Variants in ARHGEF28 observed in about 807,000 individuals in gnomAD.
The protein encoded by ARHGEF28 is 190 kDa guanine nucleotide exchange factor.
In ARHGEF28, 152 loss-of-function variants were observed where a neutral mutation model predicts 206.6. The ratio of observed to expected loss-of-function variants is 0.74; its 90% CI spans 0.64 to 0.84. The LOEUF (loss-of-function observed/expected upper bound fraction) is 0.84, where lower values mean the gene tolerates loss of function less well. ARHGEF28 is among the 40% of genes least tolerant of loss of function. ARHGEF28 has a pLI of 0.00. For missense variants in ARHGEF28, 2,028 were observed against 2,073.2 expected (o/e 0.98, Z 0.42); for synonymous variants, 763 against 776.4 (o/e 0.98, Z 0.29).
rs575045737 is a variant in ARHGEF28 at position 73,941,902 on chromosome 5, G to A, written c.*889G>A. 4 of 152,228 alleles carry A rather than the reference G, an allele frequency of 2.6e-5. No homozygotes were observed. Among genetic ancestry groups the A allele is most frequent in the Non-Finnish European group, 4.4e-5 (3 of 68,008 alleles). 9.4% of individuals were successfully genotyped at this position (152,228 alleles called of 1,614,324 possible). ...GCATATCCTGCCTTCCGAGTAGTAT[G>A]GGTCTCTGTGTGAGAAACCAGGAGA... On this transcript the variant is annotated 3_prime_UTR_variant, in exon 36 of 36. Coordinates refer to ENST00000513042, the MANE Select transcript of ARHGEF28 (RefSeq NM_001177693.2).
intron 10 of ARHGEF28, among the ~76,000 whole-genome samples, chr5:73,833,709 TAATTGACTCAC>T (rs552759561): frequency 4.6e-5 from 7 of 152,160 alleles, no homozygotes; most frequent in Non-Finnish European, 8.8e-5. Flanking sequence ...AAAAGAGGTT[TAATTGACTCAC>T]ACTTCTGCAT....
intron 4 of ARHGEF28, among the ~76,000 whole-genome samples, chr5:73,769,418 T>C (rs1036460052): frequency 1.3e-5 from 2 of 152,348 alleles, no homozygotes; most frequent in African/African-American, 4.8e-5. Context: ...TAAGTAATAA[T>C]TTTAACTTTT....
chr5:73,820,214 A>T (rs1756484105), intron 9 of ARHGEF28, among the ~76,000 whole-genome samples: 1 of 152,200 alleles, frequency 6.6e-6, no homozygotes, highest in South Asian at 2.1e-4. Flanking sequence ...GAAAGGATAT[A>T]TTTTAGCCTA....
chr5:73,940,410 A>G (rs282413), intron 35 of ARHGEF28, among the ~76,000 whole-genome samples: 62,547 of 152,004 alleles, frequency 0.41, 13,142 homozygotes, highest in East Asian at 0.59. Flanking sequence ...TGACCACATC[A>G]GTAAAGTGCC....
intron 22 of ARHGEF28, among the ~76,000 whole-genome samples, chr5:73,880,787 G>A (rs1270074741): frequency 1.1e-4 from 17 of 152,104 alleles, no homozygotes; most frequent in Non-Finnish European, 2.5e-4. Context: ...ACAAAAATTA[G>A]CTTGGCGTGG....
At chr5:73,740,059 C>T (rs914472702) in intron 2 of ARHGEF28, among the ~76,000 whole-genome samples, 1 of 147,986 alleles carries the variant, frequency 6.8e-6, no homozygotes, top group African/African-American at 2.5e-5. Context: ...TGCCTGCAGT[C>T]CTAGCTACTT....
chr5:73,911,505 G>A lies in ARHGEF28; in HGVS notation c.4878G>A (p.Leu1626=), dbSNP rs761167103. The part of the protein sequence containing the change: ...PSQPSNVSHK[L]WTAAGSGHQI... ...AGCCTTCGAATGTCAGTCACAAACT[G>A]TGGACAGCCGCTGGTTCCGGCCATC... is the stretch of plus-strand genomic sequence containing the variant. The change falls in exon 35 of 36, where the codon CTG becomes CTA. Residue 1626 remains leucine (L), a synonymous_variant. Coordinates refer to ENST00000513042, the MANE Select transcript of ARHGEF28 (RefSeq NM_001177693.2). The A allele has an allele frequency of 6.2e-7, 1 of 1,613,744 alleles. No homozygotes were observed. Among genetic ancestry groups the A allele is most frequent in the South Asian group, 1.1e-5 (1 of 90,952 alleles).
intron 2 of ARHGEF28, among the ~76,000 whole-genome samples, chr5:73,749,534 A>T (rs180871824): frequency 1.3e-5 from 2 of 152,368 alleles, no homozygotes; most frequent in East Asian, 3.9e-4. Flanking sequence ...ACGGCAACGA[A>T]GTACCACACT....
In ARHGEF28 at chr5:73,783,374, GTGTGTGTGTGTA is replaced by G. The variant is rs1554063118; in HGVS notation, c.910+2641_910+2652del. On this transcript the variant is annotated intron_variant, in intron 7 of 35. Transcript: ENST00000513042. ...TGTGTGTGTGTGTGTGTGTGTGTGT[GTGTGTGTGTGTA>G]TGTGTGTGTGTGCGCGCTTCTGTAT... is the stretch of plus-strand genomic sequence containing the variant. 9.2e-5 allele frequency among the ~76,000 whole-genome samples: 12 copies of G among 130,880 alleles called. No homozygotes were observed. The East Asian group carries it at 1.5e-3, about 16-fold the overall frequency. 85.9% of individuals were successfully genotyped at this position (130,880 alleles called of 152,430 possible).
At chr5:73,808,410 A>G (rs1226822096) in intron 9 of ARHGEF28, among the ~76,000 whole-genome samples, 1 of 152,158 alleles carries the variant, frequency 6.6e-6, no homozygotes, top group Admixed American at 6.5e-5. Context: ...GTCTTGGCAC[A>G]AGGGTAAGAG....
chr5:73,792,879 G>GAAA (rs2112482631), intron 7 of ARHGEF28, among the ~76,000 whole-genome samples: 1 of 152,224 alleles, frequency 6.6e-6, no homozygotes, highest in South Asian at 2.1e-4. Flanking sequence ...CTTGAAGGGT[G>GAAA]AAATTAGCCC....
At chr5:73,675,748 A>G (rs1010850136) in intron 1 of ARHGEF28, among the ~76,000 whole-genome samples, 2 of 151,312 alleles carry the variant, frequency 1.3e-5, no homozygotes, top group African/African-American at 4.8e-5. Context: ...AAAAAAAAAA[A>G]AAAAAAGAAA....
chr5:73,674,279 C>A (rs964051585), intron 1 of ARHGEF28, among the ~76,000 whole-genome samples: 1 of 152,214 alleles, frequency 6.6e-6, no homozygotes, highest in Non-Finnish European at 1.5e-5. Flanking sequence ...TTTAGCCAAG[C>A]AAATCACTGT....
intron 35 of ARHGEF28, among the ~76,000 whole-genome samples, chr5:73,926,760 C>T (rs1016803704): frequency 1.3e-5 from 2 of 152,204 alleles, no homozygotes; most frequent in African/African-American, 4.8e-5. Flanking sequence ...GAGATGGTGT[C>T]CACCTGTGGA....
chr5:73,864,445 G>A (rs1322459710), intron 16 of ARHGEF28, among the ~76,000 whole-genome samples: 1 of 152,064 alleles, frequency 6.6e-6, no homozygotes, highest in African/African-American at 2.4e-5. Context: ...GTGTGGGAGT[G>A]GGGAGTTACT....
intron 4 of ARHGEF28, 65 bp from the exon 5 acceptor site, chr5:73,773,790 T>C: frequency 5.0e-6 from 7 of 1,410,812 alleles, no homozygotes; most frequent in Non-Finnish European, 5.7e-6. Flanking sequence ...GTCCCTTTGA[T>C]AAAATGTGTA....
Position 73,737,677 on chromosome 5 carries a change from G to T in ARHGEF28, c.34-12160G>T, listed in dbSNP as rs535612192. ...CAGGTGCACGCTGCCACCACGTCCAGCTAATTTTTTGTATTTTTTAGTAGA... is the reference window on the plus strand; with the variant it reads ...CAGGTGCACGCTGCCACCACGTCCATCTAATTTTTTGTATTTTTTAGTAGA... On this transcript the variant is annotated intron_variant, in intron 2 of 35. Coordinates refer to ENST00000513042, the MANE Select transcript of ARHGEF28 (RefSeq NM_001177693.2). Among the ~76,000 whole-genome samples, 3 of 151,818 alleles carry T rather than the reference G, an allele frequency of 2.0e-5. No homozygotes were observed. The East Asian group carries it at 5.8e-4, about 29-fold the overall frequency.
intron 35 of ARHGEF28, chr5:73,923,269 T>A: frequency 1.0e-6 from 1 of 1,003,822 alleles, no homozygotes; most frequent in Middle Eastern, 2.1e-4. Flanking sequence ...ACAAGCAGTC[T>A]GAGATAAAGC....
At chr5:73,639,289 G>A (rs1444647183) in intron 1 of ARHGEF28, among the ~76,000 whole-genome samples, 1 of 149,586 alleles carries the variant, frequency 6.7e-6, no homozygotes, top group Admixed American at 6.7e-5. Flanking sequence ...GAGCTATCTT[G>A]AAATAAAACA....
Sources: allele counts gnomAD v4.1 joint callset (sites outside exome capture counted in the v4.1 genomes callset), GRCh38; gene constraint gnomAD v4.1.1; transcripts MANE v1.5; gene names NCBI Gene and HGNC (gene_info 2026-07-23, HGNC 2026-07-21).